Variants in MTUS1 observed in about 807,000 individuals in gnomAD.
The protein encoded by MTUS1 is microtubule associated scaffold protein 1, also known as microtubule-associated tumor suppressor 1.
In MTUS1, 109 loss-of-function variants were observed where a neutral mutation model predicts 120.8. The observed-to-expected ratio is 0.90, with a 90% confidence interval of 0.77 to 1.06. MTUS1 has a LOEUF of 1.06. Ranked by LOEUF, MTUS1 falls within the 50% of genes least tolerant of loss-of-function variation. The pLI, the probability that MTUS1 is intolerant of heterozygous loss-of-function variation, is 0.00. For missense variants in MTUS1, 2,210 were observed against 1,486.3 expected, an observed-to-expected ratio of 1.49 and a Z score of -8.01; for synonymous variants, 737 against 550.5, an observed-to-expected ratio of 1.34 and a Z score of -4.74.
chr8:17,792,197 A>C (rs1273549517), intron 1 of MTUS1, among the ~76,000 whole-genome samples: 1 of 152,206 alleles, frequency 6.6e-6, no homozygotes, highest in Non-Finnish European at 1.5e-5. Context: ...AAATGGTGAA[A>C]TACCTCTATT....
At chr8:17,668,202 CATT>C (rs145659497) in intron 8 of MTUS1, among the ~76,000 whole-genome samples, 4,162 of 152,282 alleles carry the variant, frequency 0.027, 152 homozygotes, top group South Asian at 0.15. Flanking sequence ...TTTCTTAGAA[CATT>C]ATGAGATGTG....
intron 2 of MTUS1, among the ~76,000 whole-genome samples, chr8:17,748,789 A>G (rs955324314): frequency 2.0e-5 from 3 of 152,214 alleles, no homozygotes; most frequent in Non-Finnish European, 4.4e-5. Context: ...AAACTCCTGC[A>G]ACAGTATTAC....
chr8:17,794,244 C>T (rs1488340396), intron 1 of MTUS1, among the ~76,000 whole-genome samples: 1 of 152,070 alleles, frequency 6.6e-6, no homozygotes, highest in Non-Finnish European at 1.5e-5. Context: ...AGGAGAATCG[C>T]TTGAACCCAG....
chr8:17,696,094 A>G (rs574814616), intron 6 of MTUS1, among the ~76,000 whole-genome samples: 1 of 152,266 alleles, frequency 6.6e-6, no homozygotes, highest in South Asian at 2.1e-4. Flanking sequence ...CCCCCTATTA[A>G]TTTGTTCAGT....
chr8:17,734,014 G>A (rs2046770264), intron 3 of MTUS1, among the ~76,000 whole-genome samples: 1 of 152,072 alleles, frequency 6.6e-6, no homozygotes, highest in South Asian at 2.1e-4. Flanking sequence ...ACCATTAAGC[G>A]AACTTTGGTA....
At position 17,781,545 on chromosome 8, in the gene MTUS1, C is replaced by G. The variant is rs147990191; in HGVS notation, c.-155+19516G>C. On this transcript the variant is annotated intron_variant, in intron 1 of 14. Coordinates refer to ENST00000693296, the MANE Select transcript of MTUS1 (RefSeq NM_001363059.2). ...GAGTTTCTTACAAATTAGAATTATC[C>G]AGAAACATATCCCAGTAAGCCTAGC... 1.1e-4 allele frequency among the ~76,000 whole-genome samples: 16 copies of G among 152,280 alleles called. No homozygotes were observed. In the East Asian group the frequency reaches 3.1e-3, roughly 29 times the overall value.
At chr8:17,704,001 C>G (rs1303364406) in intron 6 of MTUS1, 1 of 152,758 alleles carries the variant, frequency 6.5e-6, no homozygotes, top group African/African-American at 2.4e-5. Context: ...CATCACGGAC[C>G]TACCAATATG....
At chr8:17,741,202 G>A (rs781591463) in intron 3 of MTUS1, among the ~76,000 whole-genome samples, 1 of 151,794 alleles carries the variant, frequency 6.6e-6, no homozygotes, top group East Asian at 1.9e-4. Flanking sequence ...TTTTCTAAGG[G>A]CACCACCCCT....
intron 8 of MTUS1, among the ~76,000 whole-genome samples, chr8:17,672,902 C>T (rs1022260504): frequency 1.3e-5 from 2 of 152,194 alleles, no homozygotes; most frequent in South Asian, 4.1e-4. Flanking sequence ...GCCCCAACTG[C>T]GGTTGCTTAA....
chr8:17,714,008 A>G (rs887915741), intron 5 of MTUS1, among the ~76,000 whole-genome samples: 3 of 152,196 alleles, frequency 2.0e-5, no homozygotes, highest in Non-Finnish European at 4.4e-5. Flanking sequence ...AAAGCTGTCC[A>G]TGGAATCTCA....
intron 1 of MTUS1, among the ~76,000 whole-genome samples, chr8:17,766,473 C>A (rs2049499182): frequency 6.6e-6 from 1 of 152,194 alleles, no homozygotes. Context: ...ACTGGAATAA[C>A]TGTTGCACCA....
intron 1 of MTUS1, among the ~76,000 whole-genome samples, chr8:17,777,893 G>T (rs373167413): frequency 3.3e-5 from 5 of 152,294 alleles, no homozygotes; most frequent in South Asian, 4.1e-4. Context: ...ACAGTACAGT[G>T]ATTCAATAAA....
At chr8:17,703,353 G>A (rs112815252) in intron 6 of MTUS1, among the ~76,000 whole-genome samples, 4,842 of 152,232 alleles carry the variant, frequency 0.032, 133 homozygotes, top group Non-Finnish European at 0.045. Context: ...AGATAGCTTG[G>A]CCGGGTGCGG....
At chr8:17,694,915 C>T (rs1817655702) in intron 6 of MTUS1, among the ~76,000 whole-genome samples, 1 of 152,076 alleles carries the variant, frequency 6.6e-6, no homozygotes, top group Admixed American at 6.6e-5. Flanking sequence ...CTTGTGGTTC[C>T]CTTATTTTGT....
chr8:17,684,734 G>A lies in MTUS1; in HGVS notation c.2624-192C>T, dbSNP rs949391522. On this transcript the variant is annotated intron_variant, in intron 6 of 14. Coordinates refer to ENST00000693296, the MANE Select transcript of MTUS1 (RefSeq NM_001363059.2). Reference sequence around the variant, plus strand: ...TTGGAATTCATGAACAGGGACCGTGGCTTCATTTATGACTTTAAAAGATTT... The same window carrying A: ...TTGGAATTCATGAACAGGGACCGTGACTTCATTTATGACTTTAAAAGATTT... Among the ~76,000 whole-genome samples the A allele has an allele frequency of 2.6e-5, 4 of 152,296 alleles. No homozygotes were observed. In the South Asian group the frequency reaches 8.3e-4, roughly 32 times the overall value.
At chr8:17,769,904 AC>A in intron 1 of MTUS1, among the ~76,000 whole-genome samples, 1 of 110,398 alleles carries the variant, frequency 9.1e-6, no homozygotes, top group Non-Finnish European at 1.9e-5. Context: ...ACACACACAC[AC>A]ACACACACAC....
intron 6 of MTUS1, among the ~76,000 whole-genome samples, chr8:17,693,647 C>T (rs1817398859): frequency 6.6e-6 from 1 of 152,178 alleles, no homozygotes; most frequent in African/African-American, 2.4e-5. Flanking sequence ...GTAAATTCTC[C>T]ATTTCCTGAG....
chr8:17,763,659 G>A (rs2049227117), intron 1 of MTUS1, among the ~76,000 whole-genome samples: 1 of 152,148 alleles, frequency 6.6e-6, no homozygotes. Context: ...AGGCACTAAG[G>A]CAACAGGATT....
Position 17,644,832 on chromosome 8 carries a change from G to A in MTUS1, c.*1094C>T, listed in dbSNP as rs1398104467. The A allele has an allele frequency of 6.6e-6, 1 of 152,186 alleles. No homozygotes were observed. 9.4% of individuals were successfully genotyped at this position (152,186 alleles called of 1,614,324 possible). A position where few individuals can be genotyped will look rare whatever the true frequency, so the allele number is the denominator to read the frequency against. ...AAAGTGGTTTCAGCACCTGGAAGAT[G>A]AGCTGGCTCTGGGGCTCTGGAAAAT... On this transcript the variant is annotated 3_prime_UTR_variant, in exon 15 of 15. Transcript: ENST00000693296.
Sources: gnomAD v4.1 joint callset for allele counts (sites outside exome capture counted in the v4.1 genomes callset) on GRCh38, gnomAD v4.1.1 for gene constraint, MANE v1.5 for transcripts, NCBI Gene and HGNC (gene_info 2026-07-23, HGNC 2026-07-21) for gene names.